The following CD59 variants were observed in gnomAD, a reference collection of about 807,000 sequenced individuals.
The protein encoded by CD59 is CD59 molecule (CD59 blood group), also known as CD59 glycoprotein.
A neutral mutation model predicts 7.0 loss-of-function variants in CD59; 3 were observed. That is an observed-to-expected ratio of 0.43 (90% confidence interval 0.19 to 1.10). CD59 has a LOEUF of 1.10. Among genes scored for constraint, CD59 ranks in the 50% least tolerant of loss-of-function variants. The probability of loss-of-function intolerance (pLI) is 0.29; values close to 1 mark genes in which losing one functional copy is unlikely to be tolerated. For synonymous variants in CD59, 60 were observed against 62.0 expected (o/e 0.97, Z 0.15); for missense variants, 143 against 151.0 (o/e 0.95, Z 0.28).
intron 1 of CD59, among the ~76,000 whole-genome samples, chr11:33,734,693 A>C (rs965187716): frequency 5.3e-5 from 8 of 152,250 alleles, no homozygotes; most frequent in African/African-American, 1.9e-4. Context: ...TTAAGTACAC[A>C]TGCAAAACCA....
At position 33,710,007 on chromosome 11, in the gene CD59, A is replaced by C; in HGVS notation, c.*119T>G. On this transcript the variant is annotated 3_prime_UTR_variant, in exon 4 of 4. Coordinates refer to ENST00000642928, the MANE Select transcript of CD59 (RefSeq NM_000611.6). Reference sequence around the variant, plus strand: ...CTATCTTAGCCAGGTTGCTCAAGCTAATTTTATTCTTTCCCAACAGGATCC... The same window carrying C: ...CTATCTTAGCCAGGTTGCTCAAGCTCATTTTATTCTTTCCCAACAGGATCC... 1 of 860,880 alleles carries C rather than the reference A, an allele frequency of 1.2e-6. No individual in the cohort carries two copies. The highest frequency in any genetic ancestry group is 1.9e-6 in the Non-Finnish European group (1 of 524,730). 53.3% of individuals were successfully genotyped at this position (860,880 alleles called of 1,614,324 possible). A position where few individuals can be genotyped will look rare whatever the true frequency, so the allele number is the denominator to read the frequency against.
intron 1 of CD59, among the ~76,000 whole-genome samples, chr11:33,729,185 T>C (rs1300548894): frequency 6.6e-6 from 1 of 152,252 alleles, no homozygotes; most frequent in African/African-American, 2.4e-5. Context: ...TAAATCATTC[T>C]ACTATAAAGA....
At position 33,709,465 on chromosome 11, in the gene CD59, T is replaced by G. The variant is rs1215001995; in HGVS notation, c.*661A>C. The G allele has an allele frequency of 6.2e-6, 1 of 161,558 alleles. No individual in the cohort carries two copies. The highest frequency in any genetic ancestry group is 1.4e-5 in the Non-Finnish European group (1 of 72,868). The allele number at this position is 161,558 out of a possible 1,614,324, so 10.0% of individuals were successfully genotyped here. ...TTAACACACCATTGATGTATGCTAT[T>G]ACACTTTTCCAGTGGAAGATAACAA... On this transcript the variant is annotated 3_prime_UTR_variant, in exon 4 of 4. Coordinates refer to ENST00000642928, the MANE Select transcript of CD59 (RefSeq NM_000611.6).
At chr11:33,730,048 T>C (rs1293830815) in intron 1 of CD59, among the ~76,000 whole-genome samples, 1 of 152,062 alleles carries the variant, frequency 6.6e-6, no homozygotes. Context: ...TTAAGAAAAA[T>C]TTAGGTATGT....
At chr11:33,712,442 T>C (rs1413043850) in intron 3 of CD59, among the ~76,000 whole-genome samples, 2 of 152,254 alleles carry the variant, frequency 1.3e-5, no homozygotes, top group African/African-American at 2.4e-5. Context: ...TAGAATACTA[T>C]GTGGCCACAA....
chr11:33,732,382 C>G (rs2088560644), intron 1 of CD59, among the ~76,000 whole-genome samples: 1 of 151,148 alleles, frequency 6.6e-6, no homozygotes, highest in Non-Finnish European at 1.5e-5. Flanking sequence ...AGCACTTCCC[C>G]CTTTGCTGTC....
intron 1 of CD59, among the ~76,000 whole-genome samples, chr11:33,727,384 A>G (rs1245663272): frequency 3.3e-5 from 5 of 152,230 alleles, no homozygotes; most frequent in Non-Finnish European, 4.4e-5. Flanking sequence ...AAATCAATAA[A>G]CATAATCCAT....
intron 2 of CD59, among the ~76,000 whole-genome samples, chr11:33,719,853 CA>C (rs1337315492): frequency 1.3e-5 from 2 of 152,224 alleles, no homozygotes; most frequent in Non-Finnish European, 2.9e-5. Context: ...AGGGAAGCCA[CA>C]AGGAGAAGGC....
rs1344586143 is a variant in CD59, at chr11:33,709,408, C to T, written c.*718G>A. ...GTGTGGCAAAGCCAAGATATCCTAC[C>T]ATTCCAATAAAAAAAAGGCAAGGAA... On this transcript the variant is annotated 3_prime_UTR_variant, in exon 4 of 4. Transcript: ENST00000642928. 6.4e-6 allele frequency: 1 copy of T among 155,742 alleles called. No homozygotes were observed. Among genetic ancestry groups the T allele is most frequent in the Non-Finnish European group, 1.4e-5 (1 of 70,266 alleles). The allele number at this position is 155,742 out of a possible 1,614,324, so 9.6% of individuals were successfully genotyped here.
At chr11:33,721,393 A>G (rs1349262086) in intron 2 of CD59, among the ~76,000 whole-genome samples, 1 of 152,246 alleles carries the variant, frequency 6.6e-6, no homozygotes, top group African/African-American at 2.4e-5. Context: ...CCCAGTAAAC[A>G]ATAAACAGTG....
At chr11:33,720,155 T>C (rs1853990466) in intron 2 of CD59, among the ~76,000 whole-genome samples, 1 of 152,236 alleles carries the variant, frequency 6.6e-6, no homozygotes, top group Non-Finnish European at 1.5e-5. Context: ...TGTGCATCTA[T>C]GTGCTAAGCT....
chr11:33,726,806 A>C (rs1350039175), intron 1 of CD59, among the ~76,000 whole-genome samples: 1 of 152,220 alleles, frequency 6.6e-6, no homozygotes, highest in East Asian at 1.9e-4. Context: ...AAGAGAGAAG[A>C]ATCAAATAGA....
chr11:33,735,179 G>A (rs1343118455), intron 1 of CD59, among the ~76,000 whole-genome samples: 1 of 152,174 alleles, frequency 6.6e-6, no homozygotes, highest in African/African-American at 2.4e-5. Flanking sequence ...TCAGGGAACT[G>A]GGAGTAAACC....
At chr11:33,726,705 C>T (rs933831453) in intron 1 of CD59, among the ~76,000 whole-genome samples, 4 of 152,086 alleles carry the variant, frequency 2.6e-5, no homozygotes, top group African/African-American at 7.2e-5. Context: ...GATAGAGATA[C>T]AAAAGACCCT....
chr11:33,709,868 A>G lies in CD59; in HGVS notation c.*258T>C. The G allele has an allele frequency of 1.7e-6, 1 of 576,958 alleles. No individual in the cohort carries two copies. Among genetic ancestry groups the G allele is most frequent in the South Asian group, 2.0e-5 (1 of 49,276 alleles). 35.7% of individuals were successfully genotyped at this position (576,958 alleles called of 1,614,324 possible). A position where few individuals can be genotyped will look rare whatever the true frequency, so the allele number is the denominator to read the frequency against. ...TGCAAAGCTGGTCTTCCCAAGAGCA[A>G]AGGAGGAAGCATGCAATCTAGTTCA... On this transcript the variant is annotated 3_prime_UTR_variant, in exon 4 of 4. Transcript: ENST00000642928.
chr11:33,716,442 G>A (rs2133541920), intron 3 of CD59, among the ~76,000 whole-genome samples: 1 of 152,218 alleles, frequency 6.6e-6, no homozygotes, highest in East Asian at 1.9e-4. Context: ...AAATAACCTT[G>A]TGGAGTGTTT....
chr11:33,722,585 C>A (rs1475532679), intron 1 of CD59, 122 bp from the exon 2 acceptor site: 2 of 1,526,782 alleles, frequency 1.3e-6, no homozygotes, highest in Admixed American at 2.0e-5. Flanking sequence ...GGAGTCAAGG[C>A]ACACTGAATC....
At chr11:33,711,558 T>A in intron 3 of CD59, 1 of 597,152 alleles carries the variant, frequency 1.7e-6, no homozygotes, top group Admixed American at 3.1e-5. Context: ...GCGCCTTTAG[T>A]CTTAGCTACT....
chr11:33,735,278 C>A (rs116735044), intron 1 of CD59, among the ~76,000 whole-genome samples: 1 of 152,158 alleles, frequency 6.6e-6, no homozygotes, highest in Non-Finnish European at 1.5e-5. Flanking sequence ...GAGCGCTTTC[C>A]GTCAATCATC....
Sources: allele counts gnomAD v4.1 joint callset (sites outside exome capture counted in the v4.1 genomes callset), GRCh38; gene constraint gnomAD v4.1.1; transcripts MANE v1.5; gene names NCBI Gene and HGNC (gene_info 2026-07-23, HGNC 2026-07-21).